The following SPNS2 variants were observed in gnomAD, a reference collection of about 807,000 sequenced individuals.
SPNS2 encodes the protein SPNS lysolipid transporter 2, sphingosine-1-phosphate.
Under a neutral mutation model 57.6 loss-of-function variants are expected in SPNS2, and 37 were observed. That is an observed-to-expected ratio of 0.64 (90% CI 0.49 to 0.85). SPNS2 has a LOEUF of 0.85. SPNS2 is among the 40% of genes least tolerant of loss of function. The pLI is 0.00. For missense variants in SPNS2, 831 were observed against 779.1 expected (o/e 1.07, Z -0.79); for synonymous variants, 440 against 346.9 (o/e 1.27, Z -2.98).
rs1359590072 is a variant in SPNS2 at position 4,513,447 on chromosome 17, A to G, written c.436+135A>G. ...GGAAAGAGAGTGGGCTTTGCATCCC[A>G]GTCTCACTATTGCCACCTGCCAATG... On this transcript the variant is annotated intron_variant, in intron 2 of 12. Coordinates refer to ENST00000329078, the MANE Select transcript of SPNS2 (RefSeq NM_001124758.3). 7.9e-6 allele frequency: 7 copies of G among 889,520 alleles called. No individual in the cohort carries two copies. The African/African-American group carries it at 8.3e-5, about 10-fold the overall frequency. The allele number at this position is 889,520 out of a possible 1,614,324, so 55.1% of individuals were successfully genotyped here.
intron 3 of SPNS2, among the ~76,000 whole-genome samples, chr17:4,529,903 C>T (rs1373267411): frequency 1.3e-5 from 2 of 152,122 alleles, no homozygotes; most frequent in African/African-American, 4.8e-5. Context: ...GGAGGGAAGT[C>T]AGGGAGACCC....
In SPNS2 at chr17:4,533,826, C is replaced by T. The variant is rs757136548; in HGVS notation, c.1317C>T (p.Asn439=). ...IFVGETLLFS[N]WAITADILMY... ...TCGGGGAGACGCTGCTGTTTTCTAACTGGGCCATCACTGCAGACATCCTCA... is the reference window on the plus strand; with the variant it reads ...TCGGGGAGACGCTGCTGTTTTCTAATTGGGCCATCACTGCAGACATCCTCA... Residue 439 remains asparagine, a synonymous_variant, in exon 9 of 13, where the codon AAC becomes AAT. Transcript: ENST00000329078. 3.1e-6 allele frequency: 5 copies of T among 1,613,134 alleles called. No individual in the cohort carries two copies. The East Asian group carries it at 8.9e-5, about 29-fold the overall frequency.
chr17:4,525,428 T>A (rs1298122171), intron 3 of SPNS2, among the ~76,000 whole-genome samples: 1 of 152,246 alleles, frequency 6.6e-6, no homozygotes, highest in African/African-American at 2.4e-5. Flanking sequence ...CCATGTGGCC[T>A]CCTGACTCTT....
chr17:4,502,104 G>A (rs975693660), intron 1 of SPNS2, among the ~76,000 whole-genome samples: 4 of 152,104 alleles, frequency 2.6e-5, no homozygotes, highest in East Asian at 3.9e-4. Flanking sequence ...GGCTGGGCGC[G>A]GTGGCTCACG....
In SPNS2 at chr17:4,499,036, A is replaced by T. The variant is rs1364689630; in HGVS notation, c.-12A>T. On this transcript the variant is annotated 5_prime_UTR_variant, in exon 1 of 13. Transcript: ENST00000329078. The surrounding 1 kb of genome is among the most constrained non-coding windows in gnomAD (Gnocchi z 5.2). ...GCCCCCCGCGCCCCCCGCCGCCCCG[A>T]TCCGGGCCGGCATGATGTGCCTGGA... is the stretch of plus-strand genomic sequence containing the variant. 1 of 994,684 alleles carries T rather than the reference A, an allele frequency of 1.0e-6. No individual in the cohort carries two copies. 61.6% of individuals were successfully genotyped at this position (994,684 alleles called of 1,614,324 possible).
At position 4,533,010 on chromosome 17, in the gene SPNS2, G is replaced by T; in HGVS notation, c.969G>T (p.Ser323=). ...RSYVFSSLAT[S]AVSFATGALG... is the part of the protein sequence containing the mutation. ...ACGTCTTCTCCTCCCTGGCCACGTC[G>T]GCTGTCTCCTTCGCCACGGGGGCCC... Residue 323 remains serine, a synonymous_variant, in exon 7 of 13, where the codon TCG becomes TCT. Coordinates refer to ENST00000329078, the MANE Select transcript of SPNS2 (RefSeq NM_001124758.3). 4 of 1,613,234 alleles carry T rather than the reference G, an allele frequency of 2.5e-6. No individual in the cohort carries two copies. The highest frequency in any genetic ancestry group is 3.4e-6 in the Non-Finnish European group (4 of 1,179,924).
chr17:4,507,461 C>T (rs75151031), intron 1 of SPNS2, among the ~76,000 whole-genome samples: 5,309 of 152,340 alleles, frequency 0.035, 251 homozygotes, highest in African/African-American at 0.1. Flanking sequence ...TACTATGTGC[C>T]AGGCACTATT....
Position 4,536,190 on chromosome 17 carries a change from G to A in SPNS2, c.1443+16G>A, listed in dbSNP as rs561430181. ...CATTGGCTTTGTGAGTAGCCCCGGG[G>A]TGGGGCTGGCCAGGGCAGGCTGGGG... On this transcript the variant is annotated intron_variant, in intron 10 of 12. Transcript: ENST00000329078. 2.5e-6 allele frequency: 4 copies of A among 1,610,204 alleles called. No individual in the cohort carries two copies. Among genetic ancestry groups the A allele is most frequent in the Non-Finnish European group, 3.4e-6 (4 of 1,178,742 alleles).
Position 4,533,009 on chromosome 17 carries a change from CGGCTGTCTCCTTCGCCACGGG to C in SPNS2, c.972_992del (p.Val325_Ala331del). 6.2e-7 allele frequency: 1 copy of C among 1,613,238 alleles called. No homozygotes were observed. The highest frequency in any genetic ancestry group is 8.5e-7 in the Non-Finnish European group (1 of 1,179,906). ...TACGTCTTCTCCTCCCTGGCCACGT[CGGCTGTCTCCTTCGCCACGGG>C]GGCCCTGGGCATGTGGATCCCGCTC... is the stretch of plus-strand genomic sequence containing the variant. On this transcript the variant is annotated inframe_deletion, in exon 7 of 13. Transcript: ENST00000329078.
At chr17:4,536,551 C>A in intron 11 of SPNS2, 125 bp downstream of exon 11, 1 of 1,221,902 alleles carries the variant, frequency 8.2e-7, no homozygotes, top group Non-Finnish European at 1.1e-6. Context: ...AGTGCACCCA[C>A]TGGTTGCTGG....
chr17:4,531,671 G>A (rs1770013910), intron 5 of SPNS2, among the ~76,000 whole-genome samples: 2 of 151,752 alleles, frequency 1.3e-5, no homozygotes, highest in South Asian at 2.1e-4. Flanking sequence ...GGCCTCCGTG[G>A]AATTTCTTAG....
At position 4,533,029 on chromosome 17, in the gene SPNS2, G is replaced by A; in HGVS notation, c.988G>A (p.Gly330Arg). The A allele has an allele frequency of 6.2e-7, 1 of 1,613,342 alleles. No homozygotes were observed. The highest frequency in any genetic ancestry group is 8.5e-7 in the Non-Finnish European group (1 of 1,179,950). ...LATSAVSFAT[G>R]ALGMWIPLYL... ...CACGTCGGCTGTCTCCTTCGCCACG[G>A]GGGCCCTGGGCATGTGGATCCCGCT... The change falls in exon 7 of 13, where the codon GGG becomes AGG. Residue 330 changes from glycine (G) to arginine (R), a missense_variant. Physicochemically the swap from Gly to Arg is moderately radical, Grantham distance 125. This residue lies in a region of SPNS2 where 526 missense variants were observed against 400.9 expected (regional missense o/e 1.31). Coordinates refer to ENST00000329078, the MANE Select transcript of SPNS2 (RefSeq NM_001124758.3).
chr17:4,526,489 G>A (rs1031656180), intron 3 of SPNS2, among the ~76,000 whole-genome samples: 22 of 152,038 alleles, frequency 1.4e-4, no homozygotes, highest in Admixed American at 1.2e-3. Flanking sequence ...TATAATCCCA[G>A]CTACTTGGGA....
rs757896917 is a variant in SPNS2 at position 4,533,839 on chromosome 17, G to A, written c.1330G>A (p.Ala444Thr). 1.2e-6 allele frequency: 2 copies of A among 1,613,174 alleles called. No homozygotes were observed. The highest frequency in any genetic ancestry group is 1.7e-6 in the Non-Finnish European group (2 of 1,179,902). Residue 444 changes from alanine to threonine, a missense_variant, in exon 9 of 13, where the codon GCA (alanine) becomes ACA (threonine). By Grantham distance (58) the Ala-to-Thr change is moderately conservative. Coordinates refer to ENST00000329078, the MANE Select transcript of SPNS2 (RefSeq NM_001124758.3). Reference protein sequence around the residue: ...TLLFSNWAITADILMYVVIPT... With the variant: ...TLLFSNWAITTDILMYVVIPT... The stretch of plus-strand genomic sequence containing the variant: ...GCTGTTTTCTAACTGGGCCATCACT[G>A]CAGACATCCTCATGGTGAGCCAGGC...
intron 5 of SPNS2, among the ~76,000 whole-genome samples, chr17:4,531,747 CCCAGTCCCGGGGGCAT>C (rs1161722794): frequency 6.6e-6 from 1 of 151,898 alleles, no homozygotes; most frequent in East Asian, 1.9e-4. Flanking sequence ...CCCAGGGGCT[CCCAGTCCCGGGGGCAT>C]GGGGGAGAGT....
chr17:4,516,307 C>T (rs1475277153), intron 2 of SPNS2, among the ~76,000 whole-genome samples: 3 of 105,808 alleles, frequency 2.8e-5, no homozygotes, highest in Admixed American at 1.3e-4. Context: ...GAGTGAGACT[C>T]TATCTCCCCA....
Position 4,537,720 on chromosome 17 carries a change from A to AAGAC in SPNS2, c.*275_*278dup, listed in dbSNP as rs1467506450. 2 of 456,762 alleles carry AAGAC rather than the reference A, an allele frequency of 4.4e-6. No individual in the cohort carries two copies. The highest frequency in any genetic ancestry group is 1.4e-4 in the East Asian group (2 of 14,398). The allele number at this position is 456,762 out of a possible 1,614,324, so 28.3% of individuals were successfully genotyped here. On this transcript the variant is annotated 3_prime_UTR_variant, in exon 13 of 13. Coordinates refer to ENST00000329078, the MANE Select transcript of SPNS2 (RefSeq NM_001124758.3). ...CGCAGGGCCCCTGGGGCCAAGGAAG[A>AAGAC]AGACAGCCCCAAGTGGGTGTCCGGG... is the stretch of plus-strand genomic sequence containing the variant.
intron 1 of SPNS2, among the ~76,000 whole-genome samples, chr17:4,508,794 G>A (rs1272871173): frequency 1.3e-5 from 2 of 152,224 alleles, no homozygotes; most frequent in African/African-American, 2.4e-5. Context: ...TGAGCCAGGG[G>A]TCTGGGCCAG....
intron 1 of SPNS2, among the ~76,000 whole-genome samples, chr17:4,502,994 G>A (rs538126739): frequency 1.7e-4 from 26 of 152,314 alleles, no homozygotes; most frequent in South Asian, 1.0e-3. Flanking sequence ...GCCTCAGAGC[G>A]GGTGAGGAGG....
Sources: gnomAD v4.1 joint callset for allele counts (sites outside exome capture counted in the v4.1 genomes callset) on GRCh38, gnomAD v4.1.1 for gene constraint, gnomAD v4.1.1 regional missense constraint, Gnocchi (gnomAD v3.1) non-coding constraint, MANE v1.5 for transcripts, NCBI Gene and HGNC (gene_info 2026-07-23, HGNC 2026-07-21) for gene names.